Variants in INSR observed in about 807,000 individuals in gnomAD.
The protein encoded by INSR is insulin receptor.
INSR carries 67 observed loss-of-function variants against 142.6 expected under a neutral mutation model. The observed-to-expected ratio is 0.47, with a 90% CI of 0.39 to 0.58. The LOEUF (loss-of-function observed/expected upper bound fraction) is 0.58, where lower values mean the gene tolerates loss of function less well. INSR is among the 20% of genes least tolerant of loss of function. The pLI, the probability that INSR is intolerant of heterozygous loss-of-function variation, is 0.00. For missense variants in INSR, 1,248 were observed against 1,833.2 expected (o/e 0.68, Z 5.83); for synonymous variants, 756 against 743.1 (o/e 1.02, Z -0.28).
chr19:7,281,550 G>C (rs1968204087), intron 1 of INSR, among the ~76,000 whole-genome samples: 1 of 152,008 alleles, frequency 6.6e-6, no homozygotes, highest in Non-Finnish European at 1.5e-5. Flanking sequence ...GCATGGTGGT[G>C]CATGCCTGTA....
intron 14 of INSR, 70 bp downstream of exon 14, chr19:7,132,088 C>T: frequency 1.9e-6 from 3 of 1,595,544 alleles, no homozygotes; most frequent in Non-Finnish European, 2.6e-6. Flanking sequence ...CCAAGTCATC[C>T]CCTGCAATGT....
chr19:7,211,214 A>G (rs764282820), intron 2 of INSR, among the ~76,000 whole-genome samples: 1 of 151,916 alleles, frequency 6.6e-6, no homozygotes, highest in South Asian at 2.1e-4. Context: ...CTACAGGTGC[A>G]TGTCACCATG....
intron 2 of INSR, among the ~76,000 whole-genome samples, chr19:7,213,658 G>C (rs1245051960): frequency 6.6e-6 from 1 of 152,198 alleles, no homozygotes; most frequent in Admixed American, 6.5e-5. Flanking sequence ...GTCCAGCAGA[G>C]AAAGACTTCA....
intron 19 of INSR, 27 bp from the exon 20 acceptor site, chr19:7,120,776 C>CAAGG: frequency 6.2e-7 from 1 of 1,612,052 alleles, no homozygotes; most frequent in East Asian, 2.2e-5. Flanking sequence ...TTCACACGCT[C>CAAGG]TTAACCTTCA....
At chr19:7,158,742 A>G (rs1973676622) in intron 9 of INSR, among the ~76,000 whole-genome samples, 1 of 152,176 alleles carries the variant, frequency 6.6e-6, no homozygotes, top group African/African-American at 2.4e-5. Context: ...AAACATGGTT[A>G]TAATAATAAA....
At chr19:7,185,247 T>C (rs966089619) in intron 2 of INSR, among the ~76,000 whole-genome samples, 5 of 149,780 alleles carry the variant, frequency 3.3e-5, no homozygotes, top group Admixed American at 2.7e-4. Flanking sequence ...ATATCTATGT[T>C]TAACAAATGG....
At chr19:7,164,496 C>T (rs142244113) in intron 8 of INSR, among the ~76,000 whole-genome samples, 6,022 of 151,516 alleles carry the variant, frequency 0.04, 156 homozygotes, top group Middle Eastern at 0.065. Context: ...GCAGCCTGGC[C>T]AACATGGTGA....
At chr19:7,132,870 C>T (rs1019555156) in intron 13 of INSR, among the ~76,000 whole-genome samples, 6 of 152,248 alleles carry the variant, frequency 3.9e-5, no homozygotes, top group East Asian at 1.9e-4. Flanking sequence ...AGATTACAGG[C>T]GTGAGCCACA....
At chr19:7,121,890 C>T (rs1028287811) in intron 19 of INSR, among the ~76,000 whole-genome samples, 3 of 152,200 alleles carry the variant, frequency 2.0e-5, no homozygotes, top group Non-Finnish European at 4.4e-5. Flanking sequence ...TGCCTGTAAT[C>T]CCAGTGCTTT....
At position 7,225,290 on chromosome 19, in the gene INSR, TAGGTGTAAGATGATTCCTCAGGG is replaced by T. The variant is rs1466789291; in HGVS notation, c.653-40676_653-40654del. On this transcript the variant is annotated intron_variant, in intron 2 of 21. Coordinates refer to ENST00000302850, the MANE Select transcript of INSR (RefSeq NM_000208.4). The surrounding 1 kb of genome is among the most constrained non-coding windows in gnomAD (Gnocchi z 4.7). ...TGTTACTGTGGGCCAGTTGCCGTTA[TAGGTGTAAGATGATTCCTCAGGG>T]AGAAACGCTAATGTTCCCCTTCCCC... 6.6e-6 allele frequency among the ~76,000 whole-genome samples: 1 copy of T among 152,280 alleles called. No individual in the cohort carries two copies. Among genetic ancestry groups the T allele is most frequent in the South Asian group, 2.1e-4 (1 of 4,824 alleles).
rs371272167 is a variant in INSR, at chr19:7,119,764, A to AAACATG, written c.3660-182_3660-181insCATGTT. Among the ~76,000 whole-genome samples the AAACATG allele has an allele frequency of 1.5e-5, 2 of 133,086 alleles. No individual in the cohort carries two copies. Among genetic ancestry groups the AAACATG allele is most frequent in the Non-Finnish European group, 3.1e-5 (2 of 63,914 alleles). The allele number at this position is 133,086 out of a possible 152,430, so 87.3% of individuals were successfully genotyped here. On this transcript the variant is annotated intron_variant, in intron 20 of 21. Transcript: ENST00000302850. This position sits in a 1 kb window ranked among gnomAD's most constrained non-coding sequence, Gnocchi z 5.2. ...CACGTGCACACACATGCAAATACAC[A>AAACATG]CAAACACGCATGCGCACACATGCAC...
chr19:7,276,502 C>T (rs1968067515), intron 1 of INSR, among the ~76,000 whole-genome samples: 1 of 151,998 alleles, frequency 6.6e-6, no homozygotes, highest in African/African-American at 2.4e-5. Context: ...ACGTCCCTTT[C>T]CACATTCTTT....
chr19:7,204,328 T>G (rs1198242041), intron 2 of INSR, among the ~76,000 whole-genome samples: 4 of 152,120 alleles, frequency 2.6e-5, no homozygotes, highest in Admixed American at 6.6e-5. Flanking sequence ...GTGCTGGGAT[T>G]ACAGACGTGA....
rs185254655 is a variant in INSR at position 7,118,102 on chromosome 19, T to C, written c.3795-692A>G. Among the ~76,000 whole-genome samples, 10 of 151,920 alleles carry C rather than the reference T, an allele frequency of 6.6e-5. No homozygotes were observed. The East Asian group carries it at 2.0e-3, about 30-fold the overall frequency. ...GATGGTTTTGAAAAGGGATTCCTCA[T>C]TTCAAAACTGGCTCAAGAGTAATCC... On this transcript the variant is annotated intron_variant, in intron 21 of 21. Coordinates refer to ENST00000302850, the MANE Select transcript of INSR (RefSeq NM_000208.4).
intron 8 of INSR, among the ~76,000 whole-genome samples, chr19:7,164,867 T>A (rs8107417): frequency 2.4e-4 from 34 of 143,588 alleles, no homozygotes; most frequent in African/African-American, 7.8e-4. Flanking sequence ...CATGGTGGCT[T>A]ATGCCTGTAA....
intron 13 of INSR, among the ~76,000 whole-genome samples, chr19:7,136,193 T>G (rs1422523794): frequency 6.6e-6 from 1 of 152,032 alleles, no homozygotes; most frequent in Non-Finnish European, 1.5e-5. Flanking sequence ...GGCTGAGTTT[T>G]GTGTTTTGCC....
At chr19:7,127,555 G>A (rs906063301) in intron 15 of INSR, among the ~76,000 whole-genome samples, 4 of 152,024 alleles carry the variant, frequency 2.6e-5, no homozygotes, top group Non-Finnish European at 4.4e-5. Context: ...TATCCATAGG[G>A]TGGATTCAAT....
At position 7,172,394 on chromosome 19, in the gene INSR, A is replaced by C; in HGVS notation, c.1164T>G (p.Ile388Met). 1.2e-6 allele frequency: 2 copies of C among 1,614,130 alleles called. No individual in the cohort carries two copies. The highest frequency in any genetic ancestry group is 1.7e-6 in the Non-Finnish European group (2 of 1,180,020). The change falls in exon 5 of 22, where the codon ATT becomes ATG. Residue 388 changes from isoleucine (I) to methionine (M), a missense_variant. Ile to Met is a conservative substitution (Grantham distance 10). Coordinates refer to ENST00000302850, the MANE Select transcript of INSR (RefSeq NM_000208.4). Reference protein sequence around the residue: ...AAELEANLGLIEEISGYLKIR... With the variant: ...AAELEANLGLMEEISGYLKIR... Reference sequence around the variant, plus strand: ...TTTTTAGATACCCTGAAATTTCTTCAATGAGGCCGAGGTTGGCTTCTAGCT... The same window carrying C: ...TTTTTAGATACCCTGAAATTTCTTCCATGAGGCCGAGGTTGGCTTCTAGCT...
In INSR at chr19:7,166,551, A is replaced by G; in HGVS notation, c.1611-147T>C. ...TGCCACAAGAAAAAATAACTCGGGA[A>G]CAGCCAAAGAGAAAGGAACTGTCAA... On this transcript the variant is annotated intron_variant, in intron 7 of 21. Coordinates refer to ENST00000302850, the MANE Select transcript of INSR (RefSeq NM_000208.4). The surrounding 1 kb of genome is among the most constrained non-coding windows in gnomAD (Gnocchi z 4.1). 1.1e-6 allele frequency: 1 copy of G among 893,200 alleles called. No homozygotes were observed. Among genetic ancestry groups the G allele is most frequent in the South Asian group, 1.4e-5 (1 of 69,058 alleles). 55.3% of individuals were successfully genotyped at this position (893,200 alleles called of 1,614,324 possible). A position where few individuals can be genotyped will look rare whatever the true frequency, so the allele number is the denominator to read the frequency against.
Sources: allele counts gnomAD v4.1 joint callset (sites outside exome capture counted in the v4.1 genomes callset), GRCh38; gene constraint gnomAD v4.1.1; non-coding constraint Gnocchi (gnomAD v3.1); transcripts MANE v1.5; gene names NCBI Gene and HGNC (gene_info 2026-07-23, HGNC 2026-07-21).